Variants in ZNF793 observed in about 807,000 individuals in gnomAD.
ZNF793 encodes the protein zinc finger protein 793.
In ZNF793, 5 loss-of-function variants were observed where a neutral mutation model predicts 12.4. The ratio of observed to expected loss-of-function variants is 0.40; its 90% CI spans 0.21 to 0.84. The LOEUF is 0.84. Among genes scored for constraint, ZNF793 ranks in the 40% least tolerant of loss-of-function variants. The pLI is 0.35. For missense variants in ZNF793, 456 were observed against 495.0 expected (o/e 0.92, Z 0.75); for synonymous variants, 162 against 172.4 (o/e 0.94, Z 0.47).
rs2147115937 is a variant in ZNF793 at position 37,537,872 on chromosome 19, A to G, written c.1214A>G (p.Asn405Ser). The G allele has an allele frequency of 8.9e-6, 14 of 1,576,186 alleles. No homozygotes were observed. Among genetic ancestry groups the G allele is most frequent in the Non-Finnish European group, 1.2e-5 (14 of 1,159,140 alleles). Reference sequence around the variant, plus strand: ...AATGAAAACTTAATAATTGTGGGAAATACTTGAGCAAAATATCTGGTTTCA... The same window carrying G: ...AATGAAAACTTAATAATTGTGGGAAGTACTTGAGCAAAATATCTGGTTTCA... ...YRNENLIIVG[N>S]T Residue 405 changes from asparagine to serine, a missense_variant, in exon 8 of 8, where the codon AAT (asparagine) becomes AGT (serine). Physicochemically the swap from Asn to Ser is conservative, Grantham distance 46. Coordinates refer to ENST00000627814, the MANE Select transcript of ZNF793 (RefSeq NM_001013659.3).
intron 2 of ZNF793, among the ~76,000 whole-genome samples, chr19:37,516,616 G>T (rs1288564960): frequency 2.0e-5 from 3 of 152,048 alleles, no homozygotes; most frequent in Non-Finnish European, 4.4e-5. Flanking sequence ...GTGCCGGACT[G>T]CAGGGCAATA....
At chr19:37,513,458 A>G (rs927087926) in intron 2 of ZNF793, among the ~76,000 whole-genome samples, 4 of 152,226 alleles carry the variant, frequency 2.6e-5, no homozygotes, top group African/African-American at 9.6e-5. Flanking sequence ...AAAACTGTTT[A>G]AAATGTTGAG....
At chr19:37,513,050 A>G (rs1295068893) in intron 2 of ZNF793, among the ~76,000 whole-genome samples, 2 of 152,178 alleles carry the variant, frequency 1.3e-5, no homozygotes, top group African/African-American at 2.4e-5. Flanking sequence ...TCGGACAGGA[A>G]TACTACAGAA....
intron 2 of ZNF793, among the ~76,000 whole-genome samples, chr19:37,513,722 A>G (rs2042310378): frequency 6.6e-6 from 1 of 152,226 alleles, no homozygotes; most frequent in South Asian, 2.1e-4. Context: ...GACATGATCT[A>G]TATGTGCTGT....
chr19:37,541,788 T>C lies in ZNF793; in HGVS notation c.*3909T>C, dbSNP rs953783655. The C allele has an allele frequency of 1.3e-5, 2 of 151,958 alleles. No homozygotes were observed. Among genetic ancestry groups the C allele is most frequent in the East Asian group, 1.9e-4 (1 of 5,188 alleles). The allele number at this position is 151,958 out of a possible 1,614,324, so 9.4% of individuals were successfully genotyped here. A position where few individuals can be genotyped will look rare whatever the true frequency, so the allele number is the denominator to read the frequency against. ...TGCCATCAGCAAACTCAAGAGATAA[T>C]AGATTGTGGGGAAATATTTGTAAAG... On this transcript the variant is annotated 3_prime_UTR_variant, in exon 8 of 8. Coordinates refer to ENST00000627814, the MANE Select transcript of ZNF793 (RefSeq NM_001013659.3).
chr19:37,528,570 C>T (rs1192819895), intron 5 of ZNF793, among the ~76,000 whole-genome samples: 1 of 152,138 alleles, frequency 6.6e-6, no homozygotes, highest in African/African-American at 2.4e-5. Context: ...TCTCTTTTGG[C>T]AAGGTCAAAT....
chr19:37,521,600 C>T (rs995672372), intron 3 of ZNF793, among the ~76,000 whole-genome samples: 3 of 151,762 alleles, frequency 2.0e-5, no homozygotes, highest in Non-Finnish European at 2.9e-5. Context: ...CGCTTCACCA[C>T]GCCTGGCTAA....
At chr19:37,522,239 C>G (rs1315065657) in intron 3 of ZNF793, among the ~76,000 whole-genome samples, 1 of 152,042 alleles carries the variant, frequency 6.6e-6, no homozygotes, top group Non-Finnish European at 1.5e-5. Flanking sequence ...CTCTTGTCAC[C>G]CAGGTTGGAG....
rs2042535254 is a variant in ZNF793, at chr19:37,539,157, CTAAGGAATAGTTTAAG to C, written c.*1279_*1294del. The C allele has an allele frequency of 6.6e-6, 1 of 152,092 alleles. No homozygotes were observed. The highest frequency in any genetic ancestry group is 1.5e-5 in the Non-Finnish European group (1 of 68,008). 9.4% of individuals were successfully genotyped at this position (152,092 alleles called of 1,614,324 possible). A position where few individuals can be genotyped will look rare whatever the true frequency, so the allele number is the denominator to read the frequency against. On this transcript the variant is annotated 3_prime_UTR_variant, in exon 8 of 8. Coordinates refer to ENST00000627814, the MANE Select transcript of ZNF793 (RefSeq NM_001013659.3). The stretch of plus-strand genomic sequence containing the variant: ...TAGTTATTTATATTAAAAATGCAAG[CTAAGGAATAGTTTAAG>C]AACCTGATACTGGGTAAATGAAACA...
chr19:37,529,515 CAG>C (rs768764939), intron 5 of ZNF793, among the ~76,000 whole-genome samples: 293 of 152,120 alleles, frequency 1.9e-3, no homozygotes, highest in Middle Eastern at 6.8e-3. Context: ...TAGTCTGAGA[CAG>C]AGTCTCATTC....
At chr19:37,518,171 G>C (rs1007259304) in intron 2 of ZNF793, among the ~76,000 whole-genome samples, 9 of 152,154 alleles carry the variant, frequency 5.9e-5, no homozygotes, top group African/African-American at 2.2e-4. Context: ...TGTCGCCCAG[G>C]CTGGAGTGCA....
In ZNF793 at chr19:37,537,753, G is replaced by A. The variant is rs1286268473; in HGVS notation, c.1095G>A (p.Lys365=). ...ATTGGAGAACTCACACAGGAGAGAAGCCCTATGGGTGCAATGAATGTGGGA... is the reference window on the plus strand; with the variant it reads ...ATTGGAGAACTCACACAGGAGAGAAACCCTATGGGTGCAATGAATGTGGGA... The part of the protein sequence containing the change: ...NKHWRTHTGE[K]PYGCNECGKA... Residue 365 remains lysine, a synonymous_variant, in exon 8 of 8, where the codon AAG becomes AAA. Coordinates refer to ENST00000627814, the MANE Select transcript of ZNF793 (RefSeq NM_001013659.3). 1.2e-6 allele frequency: 2 copies of A among 1,614,090 alleles called. No homozygotes were observed. The highest frequency in any genetic ancestry group is 2.2e-5 in the East Asian group (1 of 44,882).
intron 7 of ZNF793, 119 bp from the exon 8 acceptor site, chr19:37,536,778 T>G: frequency 3.5e-6 from 4 of 1,131,870 alleles, no homozygotes; most frequent in Non-Finnish European, 4.9e-6. Flanking sequence ...CTTCCCTGCG[T>G]TTGTGCTTTG....
intron 5 of ZNF793, among the ~76,000 whole-genome samples, chr19:37,529,654 G>A (rs932066388): frequency 1.3e-5 from 2 of 152,040 alleles, no homozygotes; most frequent in African/African-American, 2.4e-5. Flanking sequence ...AACCACACCT[G>A]GCTAATTTTT....
chr19:37,532,831 TA>T (rs974572838), intron 6 of ZNF793, among the ~76,000 whole-genome samples: 1 of 150,668 alleles, frequency 6.6e-6, no homozygotes, highest in East Asian at 2.0e-4. Context: ...AAATAAAAAA[TA>T]AAAAAAAAGC....
At position 37,540,833 on chromosome 19, in the gene ZNF793, T is replaced by C. The variant is rs552322078; in HGVS notation, c.*2954T>C. On this transcript the variant is annotated 3_prime_UTR_variant, in exon 8 of 8. Coordinates refer to ENST00000627814, the MANE Select transcript of ZNF793 (RefSeq NM_001013659.3). ...CATACTGACAAGAAAACATAATTTATATGTACTTCTTTTGGAATTACACTA... is the reference window on the plus strand; with the variant it reads ...CATACTGACAAGAAAACATAATTTACATGTACTTCTTTTGGAATTACACTA... The C allele has an allele frequency of 4.6e-5, 7 of 152,228 alleles. No individual in the cohort carries two copies. The South Asian group carries it at 1.5e-3, about 32-fold the overall frequency. The allele number at this position is 152,228 out of a possible 1,614,324, so 9.4% of individuals were successfully genotyped here. A position where few individuals can be genotyped will look rare whatever the true frequency, so the allele number is the denominator to read the frequency against.
In ZNF793 at chr19:37,514,655, C is replaced by A. The variant is rs1038387168; in HGVS notation, c.-275-5529C>A. Among the ~76,000 whole-genome samples, 42 of 152,000 alleles carry A rather than the reference C, an allele frequency of 2.8e-4. 1 individual carries two copies. The highest frequency in any genetic ancestry group is 8.9e-4 in the African/African-American group (37 of 41,504). ...TATAAAGGAATACACCATTACCCAA[C>A]CCTTTTTTTTTTATATAAAGCCAAC... On this transcript the variant is annotated intron_variant, in intron 2 of 7. Transcript: ENST00000627814.
At chr19:37,513,967 C>T (rs899096673) in intron 2 of ZNF793, among the ~76,000 whole-genome samples, 14 of 151,588 alleles carry the variant, frequency 9.2e-5, no homozygotes, top group African/African-American at 1.7e-4. Flanking sequence ...GAAAAATTAA[C>T]GATCTAAAAA....
At position 37,530,476 on chromosome 19, in the gene ZNF793, T is replaced by C. The variant is rs1022335727; in HGVS notation, c.16-1880T>C. 2.0e-5 allele frequency among the ~76,000 whole-genome samples: 3 copies of C among 152,170 alleles called. No homozygotes were observed. The South Asian group carries it at 6.2e-4, about 32-fold the overall frequency. On this transcript the variant is annotated intron_variant, in intron 5 of 7. Transcript: ENST00000627814. The stretch of plus-strand genomic sequence containing the variant: ...CTAGGCAGAGGTCCCTGCGGCCTTC[T>C]GTAGTGTGTTGTGTCTCTGGGTACT...
Sources: gnomAD v4.1 joint callset for allele counts (sites outside exome capture counted in the v4.1 genomes callset) on GRCh38, gnomAD v4.1.1 for gene constraint, MANE v1.5 for transcripts, NCBI Gene and HGNC (gene_info 2026-07-23, HGNC 2026-07-21) for gene names.